Variants in SUMF1 observed in about 807,000 individuals in gnomAD.
The protein encoded by SUMF1 is sulfatase modifying factor 1.
Under a neutral mutation model 47.6 loss-of-function variants are expected in SUMF1, and 48 were observed. The ratio of observed to expected loss-of-function variants is 1.01; its 90% confidence interval spans 0.80 to 1.28. The LOEUF (loss-of-function observed/expected upper bound fraction) is 1.28. Ranked by LOEUF, SUMF1 falls within the 50% of genes most tolerant of loss-of-function variation. The pLI, the probability that SUMF1 is intolerant of heterozygous loss-of-function variation, is 0.00. For missense variants in SUMF1, 571 were observed against 485.4 expected (o/e 1.18, Z -1.66); for synonymous variants, 230 against 192.1 (o/e 1.20, Z -1.63).
intron 8 of SUMF1, among the ~76,000 whole-genome samples, chr3:4,122,779 A>G (rs1268164729): frequency 6.6e-6 from 1 of 152,170 alleles, no homozygotes; most frequent in East Asian, 1.9e-4. Flanking sequence ...AAAGGTTGAA[A>G]GGGAAAACTG....
At chr3:4,393,536 T>C (rs1419456138) in intron 7 of SUMF1, among the ~76,000 whole-genome samples, 5 of 152,206 alleles carry the variant, frequency 3.3e-5, no homozygotes, top group Non-Finnish European at 7.3e-5. Flanking sequence ...TCTCACTATA[T>C]TGACCAGGCT....
intron 8 of SUMF1, among the ~76,000 whole-genome samples, chr3:4,373,214 A>T (rs535454597): frequency 3.9e-5 from 6 of 152,276 alleles, no homozygotes; most frequent in African/African-American, 1.4e-4. Flanking sequence ...ACAAACAGAG[A>T]ACAACAACAG....
Position 4,142,604 on chromosome 3 carries a change from A to T in SUMF1, c.1015-73859T>A, listed in dbSNP as rs569833422. 9.2e-5 allele frequency among the ~76,000 whole-genome samples: 14 copies of T among 152,256 alleles called. No individual in the cohort carries two copies. In the South Asian group the frequency reaches 2.7e-3, roughly 29 times the overall value. ...CAAACAGTTTTCTGCTTGCTTAAGG[A>T]CTACAAAATACAGATAAAGGCTAAT... On this transcript the variant is annotated intron_variant and NMD_transcript_variant, in intron 8 of 12. Transcript: ENST00000448413.
At chr3:4,189,465 T>A (rs1695270279) in intron 8 of SUMF1, among the ~76,000 whole-genome samples, 1 of 152,120 alleles carries the variant, frequency 6.6e-6, no homozygotes, top group Non-Finnish European at 1.5e-5. Context: ...GGGTCAGCAA[T>A]AATTTTCCTA....
intron 8 of SUMF1, among the ~76,000 whole-genome samples, chr3:4,286,222 T>C (rs1231999974): frequency 2.0e-5 from 3 of 152,066 alleles, no homozygotes; most frequent in Non-Finnish European, 4.4e-5. Flanking sequence ...TGGAAAAATT[T>C]ATAATAAAAT....
rs76072189 is a variant in SUMF1 at position 4,307,808 on chromosome 3, G to A, written c.1014+68522C>T. On this transcript the variant is annotated intron_variant and NMD_transcript_variant, in intron 8 of 12. Coordinates refer to the SUMF1 transcript ENST00000448413. ...TCCCAACCCTTTTGGAGGCCAAGGCGGGAGAATCACTTGAAGTCAGGAGTT... is the reference window on the plus strand; with the variant it reads ...TCCCAACCCTTTTGGAGGCCAAGGCAGGAGAATCACTTGAAGTCAGGAGTT... Among the ~76,000 whole-genome samples, 811 of 152,194 alleles carry A rather than the reference G, an allele frequency of 5.3e-3. 9 individuals are homozygous for A. Among genetic ancestry groups the A allele is most frequent in the African/African-American group, 0.018 (766 of 41,530 alleles).
chr3:4,319,354 T>C (rs1698771387), intron 8 of SUMF1, among the ~76,000 whole-genome samples: 1 of 152,168 alleles, frequency 6.6e-6, no homozygotes, highest in Non-Finnish European at 1.5e-5. Flanking sequence ...CACTGGGTGC[T>C]GCAGCCAAGG....
chr3:4,442,045 G>A (rs1053749368), intron 3 of SUMF1, among the ~76,000 whole-genome samples: 1 of 152,156 alleles, frequency 6.6e-6, no homozygotes, highest in Non-Finnish European at 1.5e-5. Flanking sequence ...GCAGTGGTTG[G>A]GCAGGAGAAA....
chr3:4,229,344 C>A (rs555865958), intron 8 of SUMF1: 24 of 416,938 alleles, frequency 5.8e-5, no homozygotes, highest in Admixed American at 2.1e-4. Context: ...TGATAATCCA[C>A]CTTTCTTATA....
intron 8 of SUMF1, among the ~76,000 whole-genome samples, chr3:4,229,736 A>T (rs1310013580): frequency 1.3e-5 from 2 of 152,136 alleles, no homozygotes; most frequent in Non-Finnish European, 2.9e-5. Context: ...CTTCAGAGCC[A>T]GGCACAGTGG....
At chr3:4,368,945 A>G (rs947713514) in intron 8 of SUMF1, among the ~76,000 whole-genome samples, 9 of 152,166 alleles carry the variant, frequency 5.9e-5, no homozygotes, top group African/African-American at 2.2e-4. Context: ...GTCCCTGCAA[A>G]CTGGTTAAAG....
Position 4,259,514 on chromosome 3 carries a change from C to T in SUMF1, c.1014+116816G>A, listed in dbSNP as rs112473471. Among the ~76,000 whole-genome samples, 1,381 of 151,996 alleles carry T rather than the reference C, an allele frequency of 9.1e-3. 20 individuals carry two copies. Among genetic ancestry groups the T allele is most frequent in the African/African-American group, 0.032 (1,312 of 41,476 alleles). On this transcript the variant is annotated intron_variant and NMD_transcript_variant, in intron 8 of 12. Transcript: ENST00000448413. ...GTCTTTTTGACAAAATATTTGGATT[C>T]GATGTGGGATATAAGGCTTTTGGGG...
intron 8 of SUMF1, among the ~76,000 whole-genome samples, chr3:4,125,717 C>G (rs1693640696): frequency 6.6e-6 from 1 of 152,154 alleles, no homozygotes; most frequent in African/African-American, 2.4e-5. Flanking sequence ...CTCTGCCACC[C>G]AGGCTAGAGT....
intron 8 of SUMF1, among the ~76,000 whole-genome samples, chr3:4,295,690 T>C (rs763010621): frequency 7.2e-5 from 11 of 152,198 alleles, no homozygotes; most frequent in African/African-American, 9.7e-5. Context: ...GCTGGTGATA[T>C]TGCAGGTTAT....
chr3:4,453,300 G>A (rs1703037701), intron 1 of SUMF1, among the ~76,000 whole-genome samples: 1 of 152,130 alleles, frequency 6.6e-6, no homozygotes, highest in Non-Finnish European at 1.5e-5. Context: ...TACCTGCACT[G>A]GAAACAGGTC....
chr3:4,386,016 C>G (rs569792907), intron 7 of SUMF1, among the ~76,000 whole-genome samples: 33 of 151,888 alleles, frequency 2.2e-4, no homozygotes, highest in Non-Finnish European at 4.6e-4. Flanking sequence ...CAATATCAAA[C>G]AGTCTTGATT....
intron 1 of SUMF1, among the ~76,000 whole-genome samples, chr3:4,462,562 T>G (rs1257767817): frequency 6.6e-6 from 1 of 152,222 alleles, no homozygotes; most frequent in African/African-American, 2.4e-5. Context: ...CTTGCTACCG[T>G]AAGATTTTTG....
At chr3:4,074,767 C>T (rs946350218) in intron 8 of SUMF1, among the ~76,000 whole-genome samples, 1 of 152,020 alleles carries the variant, frequency 6.6e-6, no homozygotes, top group Non-Finnish European at 1.5e-5. Context: ...TGGATACAGA[C>T]ACCCACCCAA....
chr3:4,233,773 G>A (rs938124787), intron 8 of SUMF1, among the ~76,000 whole-genome samples: 3 of 152,078 alleles, frequency 2.0e-5, no homozygotes, highest in African/African-American at 4.8e-5. Flanking sequence ...AGTTTAAAAC[G>A]AAGTCAATAC....
Sources: allele counts gnomAD v4.1 joint callset (sites outside exome capture counted in the v4.1 genomes callset), GRCh38; gene constraint gnomAD v4.1.1; transcripts MANE v1.5; gene names NCBI Gene and HGNC (gene_info 2026-07-23, HGNC 2026-07-21).